NR3C1: variants seen among roughly 807,000 people sequenced by gnomAD.
NR3C1 encodes the protein nuclear receptor subfamily 3 group C member 1.
NR3C1 carries 14 observed loss-of-function variants against 74.0 expected under a neutral mutation model. The observed-to-expected ratio is 0.19, with a 90% CI of 0.12 to 0.30. NR3C1 has a LOEUF of 0.30. NR3C1 is among the 10% of genes least tolerant of loss of function. The pLI is 1.00. For synonymous variants in NR3C1, 308 were observed against 332.5 expected (o/e 0.93, Z 0.80); for missense variants, 695 against 909.8 (o/e 0.76, Z 3.04).
chr5:143,300,705 T>C lies in NR3C1; in HGVS notation c.1527A>G (p.Gln509=), dbSNP rs780507258. Residue 509 remains glutamine, a synonymous_variant, in exon 5 of 9, where the codon CAA becomes CAG. Transcript: ENST00000394464. This position sits in a 1 kb window ranked among gnomAD's most constrained non-coding sequence, Gnocchi z 5.2. The part of the protein sequence containing the change: ...GIQQATTGVS[Q]ETSENPGNKT... ...TGTTACCAGGATTTTCAGAGGTTTC[T>C]TGTGAGACTCCTGTAGTGGCCTGCT... The C allele has an allele frequency of 6.2e-7, 1 of 1,614,222 alleles. No individual in the cohort carries two copies. Among genetic ancestry groups the C allele is most frequent in the Non-Finnish European group, 8.5e-7 (1 of 1,180,028 alleles).
chr5:143,408,896 A>T (rs1841203789), intron 1 of NR3C1: 1 of 152,216 alleles, frequency 6.6e-6, no homozygotes, highest in South Asian at 2.1e-4. Context: ...AAATTGTCTT[A>T]CATCCACCTT....
In NR3C1 at chr5:143,300,093, A is replaced by G. The variant is rs1238841039; in HGVS notation, c.1747+392T>C. On this transcript the variant is annotated intron_variant, in intron 5 of 8. Transcript: ENST00000394464. This position sits in a 1 kb window ranked among gnomAD's most constrained non-coding sequence, Gnocchi z 5.2. ...ACTTTAGTACAAATTTTGACAATCA[A>G]CATACTTGATGTTTACCAATCTTAC... is the stretch of plus-strand genomic sequence containing the variant. 6.6e-6 allele frequency among the ~76,000 whole-genome samples: 1 copy of G among 152,250 alleles called. No individual in the cohort carries two copies. Among genetic ancestry groups the G allele is most frequent in the Non-Finnish European group, 1.5e-5 (1 of 68,042 alleles).
intron 2 of NR3C1, among the ~76,000 whole-genome samples, chr5:143,388,123 C>T (rs550924672): frequency 6.6e-6 from 1 of 152,316 alleles, no homozygotes; most frequent in African/African-American, 2.4e-5. Context: ...ATTGGCTACT[C>T]TAATTTTTCA....
intron 7 of NR3C1, among the ~76,000 whole-genome samples, chr5:143,283,702 A>C (rs1489108750): frequency 2.0e-5 from 3 of 152,006 alleles, no homozygotes; most frequent in Admixed American, 1.3e-4. Flanking sequence ...TTTTGGGGGG[A>C]TACATTACTC....
In NR3C1 at chr5:143,300,435, A is replaced by T; in HGVS notation, c.1747+50T>A. On this transcript the variant is annotated intron_variant, in intron 5 of 8. Coordinates refer to ENST00000394464, the MANE Select transcript of NR3C1 (RefSeq NM_000176.3). This position sits in a 1 kb window ranked among gnomAD's most constrained non-coding sequence, Gnocchi z 5.2. ...TATAAAAGCCAAAGTGTTTTTGCTG[A>T]AGAAAACACAAAGGTTTATATAGTT... The T allele has an allele frequency of 6.2e-7, 1 of 1,612,022 alleles. No homozygotes were observed. Among genetic ancestry groups the T allele is most frequent in the Non-Finnish European group, 8.5e-7 (1 of 1,178,242 alleles).
chr5:143,342,193 G>A (rs17100237), intron 2 of NR3C1, among the ~76,000 whole-genome samples: 2,052 of 151,952 alleles, frequency 0.014, 37 homozygotes, highest in African/African-American at 0.044. Context: ...TGGTTACTTC[G>A]TTTAGTCTGT....
intron 2 of NR3C1, among the ~76,000 whole-genome samples, chr5:143,338,052 A>C (rs1269044225): frequency 6.6e-6 from 1 of 152,210 alleles, no homozygotes; most frequent in Non-Finnish European, 1.5e-5. Context: ...TGCACGACAT[A>C]AATTTCAGTC....
chr5:143,435,112 A>G, exon 1 of NR3C1: 1 of 985,460 alleles, frequency 1.0e-6, no homozygotes, highest in African/African-American at 1.7e-5. Context: ...ATCATGCTCA[A>G]CAAGGATTTG....
At chr5:143,324,518 C>T (rs878970667) in intron 2 of NR3C1, among the ~76,000 whole-genome samples, 1 of 152,184 alleles carries the variant, frequency 6.6e-6, no homozygotes, top group Non-Finnish European at 1.5e-5. Context: ...CTTTTTCCTC[C>T]TGGGTCTCTG....
intron 2 of NR3C1, among the ~76,000 whole-genome samples, chr5:143,349,043 G>C (rs1829785368): frequency 6.6e-6 from 1 of 152,118 alleles, no homozygotes; most frequent in African/African-American, 2.4e-5. Context: ...GAGGATCAGA[G>C]AGAGAAGCCT....
intron 7 of NR3C1, chr5:143,293,824 A>ATAT: frequency 1.1e-6 from 1 of 905,530 alleles, no homozygotes; most frequent in Non-Finnish European, 1.3e-6. Context: ...AAAAAATCAT[A>ATAT]TAGCTCAATT....
At chr5:143,430,233 T>A (rs1487269248) in intron 1 of NR3C1, among the ~76,000 whole-genome samples, 1 of 152,200 alleles carries the variant, frequency 6.6e-6, no homozygotes, top group Non-Finnish European at 1.5e-5. Flanking sequence ...TAACTTTATT[T>A]TAAAATATCT....
chr5:143,373,626 C>T (rs1834615004), intron 2 of NR3C1, among the ~76,000 whole-genome samples: 1 of 151,798 alleles, frequency 6.6e-6, no homozygotes, highest in South Asian at 2.1e-4. Flanking sequence ...AAAAAAAAGA[C>T]TACATTTAAT....
At chr5:143,434,409 CACA>C (rs769791510) in intron 1 of NR3C1, 7 of 364,016 alleles carry the variant, frequency 1.9e-5, no homozygotes, top group Non-Finnish European at 2.7e-5. Context: ...CTATCCAGCA[CACA>C]ACATCAGCCT....
intron 2 of NR3C1, among the ~76,000 whole-genome samples, chr5:143,363,444 G>A (rs188966838): frequency 6.6e-6 from 1 of 152,222 alleles, no homozygotes; most frequent in African/African-American, 2.4e-5. Flanking sequence ...TATGCCTGAG[G>A]AAGCCCAGAT....
chr5:143,404,120 C>T (rs1840870577), upstream of NR3C1: 6 of 985,362 alleles, frequency 6.1e-6, no homozygotes, highest in Non-Finnish European at 7.2e-6. Context: ...TGGCGGCAAG[C>T]GCCGCCAGTG....
chr5:143,398,100 T>C (rs557225438), intron 2 of NR3C1, among the ~76,000 whole-genome samples: 1 of 152,096 alleles, frequency 6.6e-6, no homozygotes, highest in African/African-American at 2.4e-5. Context: ...CAACCGTACT[T>C]AACTCTTTTA....
chr5:143,284,470 C>CATTACTATACTACAGAAAATCTA (rs148700478), intron 7 of NR3C1, among the ~76,000 whole-genome samples: 19,105 of 151,828 alleles, frequency 0.13, 1,386 homozygotes, highest in Middle Eastern at 0.27. Context: ...TAATTTTACA[C>CATTACTATACTACAGAAAATCTA]ATTACTATAC....
chr5:143,309,991 G>T, intron 4 of NR3C1, 106 bp downstream of exon 4: 1 of 863,292 alleles, frequency 1.2e-6, no homozygotes. Flanking sequence ...TATATATACT[G>T]AACTGACTAC....
Sources: allele counts gnomAD v4.1 joint callset (sites outside exome capture counted in the v4.1 genomes callset), GRCh38; gene constraint gnomAD v4.1.1; non-coding constraint Gnocchi (gnomAD v3.1); transcripts MANE v1.5; gene names NCBI Gene and HGNC (gene_info 2026-07-23, HGNC 2026-07-21).